PRKCE: variants seen among roughly 807,000 people sequenced by gnomAD.
PRKCE encodes protein kinase C epsilon, also known as protein kinase C epsilon type.
A neutral mutation model predicts 85.4 loss-of-function variants in PRKCE; 16 were observed. The ratio of observed to expected loss-of-function variants is 0.19; its 90% CI spans 0.13 to 0.28. The LOEUF (loss-of-function observed/expected upper bound fraction) is 0.28, where lower values mean the gene tolerates loss of function less well. Ranked by LOEUF, PRKCE falls within the 10% of genes least tolerant of loss-of-function variation. The pLI is 1.00. For missense variants in PRKCE, 573 were observed against 975.2 expected, an observed-to-expected ratio of 0.59 and a Z score of 5.49; for synonymous variants, 388 against 371.5, an observed-to-expected ratio of 1.04 and a Z score of -0.51.
intron 1 of PRKCE, among the ~76,000 whole-genome samples, chr2:45,815,039 G>C (rs1335587072): frequency 6.6e-6 from 1 of 152,166 alleles, no homozygotes; most frequent in Non-Finnish European, 1.5e-5. Flanking sequence ...CAGGAGATCA[G>C]AGGTCTCTGT....
chr2:46,038,671 A>T (rs1708033519), intron 10 of PRKCE, among the ~76,000 whole-genome samples: 1 of 150,784 alleles, frequency 6.6e-6, no homozygotes, highest in African/African-American at 2.5e-5. Context: ...ACACACACAC[A>T]CACACACACA....
intron 1 of PRKCE, among the ~76,000 whole-genome samples, chr2:45,692,737 A>G (rs530914724): frequency 6.6e-6 from 1 of 151,526 alleles, no homozygotes; most frequent in Admixed American, 6.6e-5. Context: ...ACACCCATGC[A>G]CACACACCCC....
At chr2:45,853,724 C>T (rs975353137) in intron 2 of PRKCE, among the ~76,000 whole-genome samples, 3 of 152,212 alleles carry the variant, frequency 2.0e-5, no homozygotes, top group Admixed American at 6.5e-5. Flanking sequence ...CTGAGATAAA[C>T]AAGGTGTTTG....
At chr2:45,948,364 G>A (rs549389483) in intron 2 of PRKCE, among the ~76,000 whole-genome samples, 27 of 152,344 alleles carry the variant, frequency 1.8e-4, no homozygotes, top group Admixed American at 7.8e-4. Context: ...TTCGGGCTGC[G>A]TGCAGTGGCT....
At chr2:46,037,697 G>C (rs148624831) in intron 10 of PRKCE, among the ~76,000 whole-genome samples, 8 of 152,302 alleles carry the variant, frequency 5.3e-5, no homozygotes, top group Non-Finnish European at 7.3e-5. Flanking sequence ...TAGGGCTATT[G>C]TTCCTTCTCA....
chr2:45,919,014 C>T (rs1698048861), intron 2 of PRKCE, among the ~76,000 whole-genome samples: 1 of 152,148 alleles, frequency 6.6e-6, no homozygotes. Context: ...TGGACAGCCA[C>T]CTGGAGAGGG....
At chr2:45,801,207 C>T (rs956098916) in intron 1 of PRKCE, among the ~76,000 whole-genome samples, 6 of 152,104 alleles carry the variant, frequency 3.9e-5, no homozygotes, top group African/African-American at 1.4e-4. Context: ...GGAGATCTTC[C>T]TTTGATCTCA....
chr2:46,018,364 T>C (rs1286517013), intron 10 of PRKCE, among the ~76,000 whole-genome samples: 1 of 152,104 alleles, frequency 6.6e-6, no homozygotes, highest in Admixed American at 6.5e-5. Context: ...CCTTGTGAAC[T>C]TGAAGCCTCA....
chr2:45,769,788 G>A (rs1290310512), intron 1 of PRKCE, among the ~76,000 whole-genome samples: 1 of 152,208 alleles, frequency 6.6e-6, no homozygotes, highest in Non-Finnish European at 1.5e-5. Context: ...ATTAACCTGT[G>A]GATGTTTAGC....
At chr2:45,740,355 G>T (rs1321836045) in intron 1 of PRKCE, among the ~76,000 whole-genome samples, 1 of 152,120 alleles carries the variant, frequency 6.6e-6, no homozygotes, top group Non-Finnish European at 1.5e-5. Flanking sequence ...TCAGGAGGAA[G>T]CATCATTATC....
intron 1 of PRKCE, among the ~76,000 whole-genome samples, chr2:45,806,050 C>T (rs1251590719): frequency 1.3e-5 from 2 of 152,180 alleles, no homozygotes; most frequent in African/African-American, 2.4e-5. Flanking sequence ...CTCAATACAT[C>T]CTTGCTGAAT....
intron 10 of PRKCE, among the ~76,000 whole-genome samples, chr2:46,057,464 T>G (rs1666691808): frequency 6.6e-6 from 1 of 151,984 alleles, no homozygotes; most frequent in Non-Finnish European, 1.5e-5. Flanking sequence ...AGTCGGAGTT[T>G]TGCTGTGTCA....
At chr2:45,940,228 G>T (rs1421609524) in intron 2 of PRKCE, among the ~76,000 whole-genome samples, 1 of 152,164 alleles carries the variant, frequency 6.6e-6, no homozygotes, top group Non-Finnish European at 1.5e-5. Flanking sequence ...GTGTCTAGGA[G>T]TCTGGTGAGA....
rs1204276103 is a variant in PRKCE at position 45,652,217 on chromosome 2, C to T, written c.117C>T (p.Asp39=). The change falls in exon 1 of 15, where the codon GAC becomes GAT. Residue 39 remains aspartate (D), a synonymous_variant. Coordinates refer to ENST00000306156, the MANE Select transcript of PRKCE (RefSeq NM_005400.3). The surrounding 1 kb of genome is among the most constrained non-coding windows in gnomAD (Gnocchi z 7.7). ...CCCGGCCGCAGACTTTCCTTCTCGA[C>T]CCCTACATTGCCCTCAATGTGGACG... is the stretch of plus-strand genomic sequence containing the variant. The part of the protein sequence containing the change: ...VGPRPQTFLL[D]PYIALNVDDS... 1.2e-6 allele frequency: 2 copies of T among 1,613,624 alleles called. No homozygotes were observed. The highest frequency in any genetic ancestry group is 1.7e-6 in the Non-Finnish European group (2 of 1,179,990).
chr2:46,036,297 C>T (rs566991950), intron 10 of PRKCE, among the ~76,000 whole-genome samples: 29 of 152,244 alleles, frequency 1.9e-4, no homozygotes, highest in South Asian at 8.3e-4. Flanking sequence ...ATAACTAGGC[C>T]GGTGTGTGGT....
rs1675145983 is a variant in PRKCE at position 45,651,959 on chromosome 2, C to G, written c.-142C>G. On this transcript the variant is annotated 5_prime_UTR_variant, in exon 1 of 15. Coordinates refer to ENST00000306156, the MANE Select transcript of PRKCE (RefSeq NM_005400.3). ...GAGAATCGCCCGCGCCAGGGCGCAA[C>G]GCCACAAGGTGTAGGGAGTGTGCGG... 2 of 645,386 alleles carry G rather than the reference C, an allele frequency of 3.1e-6. No homozygotes were observed. The highest frequency in any genetic ancestry group is 5.2e-6 in the Non-Finnish European group (2 of 383,112). The allele number at this position is 645,386 out of a possible 1,614,324, so 40.0% of individuals were successfully genotyped here.
intron 1 of PRKCE, among the ~76,000 whole-genome samples, chr2:45,765,711 C>A (rs938326498): frequency 6.6e-6 from 1 of 152,210 alleles, no homozygotes; most frequent in Admixed American, 6.5e-5. Context: ...GGACTGTTGA[C>A]CCCCACGTCC....
At chr2:46,111,130 A>G (rs80048765) in intron 11 of PRKCE, among the ~76,000 whole-genome samples, 1 of 152,176 alleles carries the variant, frequency 6.6e-6, no homozygotes, top group African/African-American at 2.4e-5. Context: ...TGACCATTAC[A>G]TGCAAGCTTG....
chr2:45,949,402 G>GTTTT, intron 2 of PRKCE, among the ~76,000 whole-genome samples: 1 of 118,746 alleles, frequency 8.4e-6, no homozygotes, highest in Non-Finnish European at 1.7e-5. Context: ...TATTTTGCTT[G>GTTTT]TTTTTTTTTT....
Sources: allele counts gnomAD v4.1 joint callset (sites outside exome capture counted in the v4.1 genomes callset), GRCh38; gene constraint gnomAD v4.1.1; non-coding constraint Gnocchi (gnomAD v3.1); transcripts MANE v1.5; gene names NCBI Gene and HGNC (gene_info 2026-07-23, HGNC 2026-07-21).